Variants in PVT1 observed in about 807,000 individuals in gnomAD.
PVT1 encodes CXCR4/PVT1 fusion.
chr8:128,083,832 T>A (rs1814221542), intron 5 of PVT1, among the ~76,000 whole-genome samples: 1 of 152,240 alleles, frequency 6.6e-6, no homozygotes, highest in African/African-American at 2.4e-5. Flanking sequence ...TCTCTCATTT[T>A]CTACCATCCA....
chr8:127,999,758 G>A (rs966720054), intron 4 of PVT1, among the ~76,000 whole-genome samples: 6 of 152,312 alleles, frequency 3.9e-5, no homozygotes, highest in Middle Eastern at 3.4e-3. Context: ...CACCACGCCC[G>A]GCCCCCATCC....
chr8:127,917,747 G>A (rs908273791), intron 3 of PVT1, among the ~76,000 whole-genome samples: 2 of 152,246 alleles, frequency 1.3e-5, no homozygotes, highest in African/African-American at 4.8e-5. Flanking sequence ...GGGGACAGCC[G>A]TCTTTTGGCA....
chr8:127,813,003 T>C (rs1234017047), intron 2 of PVT1, among the ~76,000 whole-genome samples: 1 of 151,820 alleles, frequency 6.6e-6, no homozygotes, highest in African/African-American at 2.4e-5. Flanking sequence ...AGCATTAATA[T>C]AGGTACAATC....
At chr8:127,928,074 T>G (rs1816153635) in intron 3 of PVT1, among the ~76,000 whole-genome samples, 1 of 152,158 alleles carries the variant, frequency 6.6e-6, no homozygotes. Context: ...ATCAGACACT[T>G]AAGTCTTTTC....
At chr8:127,877,021 G>A (rs893431266) in intron 2 of PVT1, among the ~76,000 whole-genome samples, 6 of 152,216 alleles carry the variant, frequency 3.9e-5, no homozygotes, top group African/African-American at 1.4e-4. Flanking sequence ...TTAAAGAGGA[G>A]TTGGAACAAA....
At chr8:127,983,984 T>C (rs1476221938) in intron 3 of PVT1, 1 of 150,988 alleles carries the variant, frequency 6.6e-6, no homozygotes, top group Admixed American at 6.6e-5. Flanking sequence ...GTTCAAGTGA[T>C]CCTCCTGCCT....
At chr8:127,809,985 C>T (rs1460057345) in intron 2 of PVT1, among the ~76,000 whole-genome samples, 4 of 152,342 alleles carry the variant, frequency 2.6e-5, no homozygotes, top group Admixed American at 1.3e-4. Flanking sequence ...AGACCAGTAG[C>T]TTCCTCTGGC....
At chr8:127,961,949 G>C (rs1352160336) in intron 3 of PVT1, among the ~76,000 whole-genome samples, 1 of 152,224 alleles carries the variant, frequency 6.6e-6, no homozygotes, top group African/African-American at 2.4e-5. Context: ...CTCCAGGTTT[G>C]TTGTGAGGAC....
chr8:127,886,585 A>G (rs1235058903), intron 2 of PVT1, among the ~76,000 whole-genome samples: 1 of 151,980 alleles, frequency 6.6e-6, no homozygotes, highest in Non-Finnish European at 1.5e-5. Context: ...GTTCCTCTTC[A>G]GTCTGCCGTT....
In PVT1 at chr8:127,832,724, G is replaced by A. The variant is rs185075833; in HGVS notation, n.372+36653G>A. 4.2e-4 allele frequency among the ~76,000 whole-genome samples: 64 copies of A among 152,308 alleles called. No individual in the cohort carries two copies. The East Asian group carries it at 0.012, about 29-fold the overall frequency. On this transcript the variant is annotated intron_variant and non_coding_transcript_variant, in intron 2 of 10. Coordinates refer to ENST00000651587, the Ensembl canonical transcript of PVT1. ...ATACAAAAAATTAGCCGGGCGTGGT[G>A]GCGGGTGCCTGTAGTCCCAGCTACT...
intron 2 of PVT1, among the ~76,000 whole-genome samples, chr8:127,805,004 C>G (rs985182802): frequency 6.7e-6 from 1 of 148,838 alleles, no homozygotes; most frequent in African/African-American, 2.5e-5. Context: ...GATCTCGGCT[C>G]ACTGCAACCT....
chr8:127,819,456 C>A (rs912496137), intron 2 of PVT1, among the ~76,000 whole-genome samples: 2 of 152,116 alleles, frequency 1.3e-5, no homozygotes, highest in African/African-American at 4.8e-5. Flanking sequence ...GTTGTACAAA[C>A]GGAGAAACTG....
intron 6 of PVT1, chr8:128,099,542 T>G (rs1000319064): frequency 2.0e-5 from 3 of 152,258 alleles, no homozygotes; most frequent in Non-Finnish European, 4.4e-5. Flanking sequence ...TGGGAATCAC[T>G]ACTGACCTTG....
chr8:128,036,488 A>T (rs1332187195), intron 4 of PVT1, among the ~76,000 whole-genome samples: 4 of 152,134 alleles, frequency 2.6e-5, no homozygotes, highest in African/African-American at 9.7e-5. Flanking sequence ...TCTGGATAGG[A>T]TTGATAGGAC....
intron 5 of PVT1, among the ~76,000 whole-genome samples, chr8:128,093,721 T>G (rs1312430921): frequency 2.7e-5 from 4 of 149,592 alleles, no homozygotes; most frequent in Admixed American, 2.7e-4. Context: ...CACTGCAACC[T>G]CCGCCTCCCA....
chr8:127,974,753 T>C (rs1482005880), intron 3 of PVT1, among the ~76,000 whole-genome samples: 1 of 152,234 alleles, frequency 6.6e-6, no homozygotes, highest in Non-Finnish European at 1.5e-5. Context: ...CACAGCATTG[T>C]ATTTCCAAAG....
chr8:127,902,288 C>T (rs573475996), intron 3 of PVT1, among the ~76,000 whole-genome samples: 1 of 152,310 alleles, frequency 6.6e-6, no homozygotes, highest in African/African-American at 2.4e-5. Context: ...TACCACTGAG[C>T]ATCAAGCACT....
chr8:127,855,489 G>A (rs535677446), intron 2 of PVT1, among the ~76,000 whole-genome samples: 1 of 152,286 alleles, frequency 6.6e-6, no homozygotes, highest in Admixed American at 6.5e-5. Context: ...AGGTGGCTTT[G>A]GGGGGGACAT....
chr8:127,829,890 C>T (rs552632928), intron 2 of PVT1, among the ~76,000 whole-genome samples: 80 of 152,210 alleles, frequency 5.3e-4, no homozygotes, highest in African/African-American at 1.8e-3. Context: ...ATGAAGGCTC[C>T]GAAAAATAAT....
Sources: allele counts gnomAD v4.1 joint callset (sites outside exome capture counted in the v4.1 genomes callset), GRCh38; gene constraint gnomAD v4.1.1; transcripts MANE v1.5; gene names NCBI Gene and HGNC (gene_info 2026-07-23, HGNC 2026-07-21).